CLVS1: variants seen among roughly 807,000 people sequenced by gnomAD.
The protein encoded by CLVS1 is clavesin-1.
Under a neutral mutation model 33.1 loss-of-function variants are expected in CLVS1, and 10 were observed. The ratio of observed to expected loss-of-function variants is 0.30; its 90% CI spans 0.19 to 0.51. The LOEUF (loss-of-function observed/expected upper bound fraction) is 0.51. CLVS1 is among the 20% of genes least tolerant of loss of function. CLVS1 has a pLI of 0.97. For missense variants in CLVS1, 343 were observed against 433.4 expected, an observed-to-expected ratio of 0.79 and a Z score of 1.85; for synonymous variants, 163 against 166.1, an observed-to-expected ratio of 0.98 and a Z score of 0.14.
At chr8:61,110,798 A>T (rs75603432) in intron 1 of CLVS1, among the ~76,000 whole-genome samples, 3,115 of 152,286 alleles carry the variant, frequency 0.02, 95 homozygotes, top group African/African-American at 0.066. Flanking sequence ...ATACAGTATT[A>T]GTCTTTTCGT....
At chr8:61,128,325 T>C (rs987768124) in intron 1 of CLVS1, among the ~76,000 whole-genome samples, 1 of 152,262 alleles carries the variant, frequency 6.6e-6, no homozygotes, top group African/African-American at 2.4e-5. Context: ...GTTTTACTTT[T>C]CATCATCATT....
rs564848224 is a variant in CLVS1, at chr8:61,075,287, T to C, written c.-243+18057T>C. 2.6e-5 allele frequency among the ~76,000 whole-genome samples: 4 copies of C among 152,296 alleles called. No individual in the cohort carries two copies. In the South Asian group the frequency reaches 8.3e-4, roughly 32 times the overall value. On this transcript the variant is annotated intron_variant, in intron 1 of 2. Coordinates refer to the CLVS1 transcript ENST00000522621. ...TCTCCCCAGAGGCCATTCATTTCTCTACAGCTGAAAGAGCAATGGGTTGAT... is the reference window on the plus strand; with the variant it reads ...TCTCCCCAGAGGCCATTCATTTCTCCACAGCTGAAAGAGCAATGGGTTGAT...
chr8:61,383,593 T>A (rs1392265520), intron 3 of CLVS1, among the ~76,000 whole-genome samples: 1 of 152,168 alleles, frequency 6.6e-6, no homozygotes, highest in Non-Finnish European at 1.5e-5. Context: ...TTTGCAAGAG[T>A]GCATTATGTT....
chr8:61,456,878 A>G (rs1817182674), intron 4 of CLVS1, among the ~76,000 whole-genome samples: 1 of 150,444 alleles, frequency 6.6e-6, no homozygotes, highest in East Asian at 2.0e-4. Flanking sequence ...AGATTGCACC[A>G]CTGCACTCCA....
chr8:61,026,141 A>C, the CLVS1 span, among the ~76,000 whole-genome samples: 7 of 152,034 alleles, frequency 4.6e-5, no homozygotes, highest in Non-Finnish European at 7.4e-5. Context: ...AGTTAGAATA[A>C]GGTTATTAGG....
At chr8:61,185,152 T>TC (rs1333481175) in intron 2 of CLVS1, among the ~76,000 whole-genome samples, 14 of 148,428 alleles carry the variant, frequency 9.4e-5, no homozygotes, top group African/African-American at 3.6e-4. Flanking sequence ...AGTTTTTGTT[T>TC]TTGTTTTTTG....
In CLVS1 at chr8:61,376,591, TGCTCTG is replaced by T; in HGVS notation, c.456-10_456-5del. On this transcript the variant is annotated splice_region_variant and splice_polypyrimidine_tract_variant and intron_variant, in intron 2 of 5. Coordinates refer to ENST00000325897, the MANE Select transcript of CLVS1 (RefSeq NM_173519.3). ...CATATTCACACACAGCTCTCCTTTC[TGCTCTG>T]GCTGCAGGAACTCCTTCACAGACAT... The T allele has an allele frequency of 6.2e-7, 1 of 1,611,400 alleles. No individual in the cohort carries two copies. Among genetic ancestry groups the T allele is most frequent in the Non-Finnish European group, 8.5e-7 (1 of 1,178,182 alleles).
At chr8:61,355,660 A>G (rs12679865) in intron 2 of CLVS1, among the ~76,000 whole-genome samples, 2 of 151,804 alleles carry the variant, frequency 1.3e-5, no homozygotes, top group African/African-American at 2.4e-5. Context: ...TGAGAATATG[A>G]GGTGTTTGCT....
intron 2 of CLVS1, among the ~76,000 whole-genome samples, chr8:61,232,041 T>TTTTTTTTTTTTTTTTTTTTTTTTTTG (rs1554548394): frequency 1.6e-4 from 19 of 116,002 alleles, no homozygotes; most frequent in East Asian, 5.5e-4. Context: ...TTTTTTTTTT[T>TTTTTTTTTTTTTTTTTTTTTTTTTTG]TTTTTTTTTG....
intron 1 of CLVS1, among the ~76,000 whole-genome samples, chr8:61,103,676 A>G (rs1464879474): frequency 6.6e-6 from 1 of 152,236 alleles, no homozygotes; most frequent in African/African-American, 2.4e-5. Context: ...TTAATGACGA[A>G]TCACTGTTTT....
At chr8:61,091,035 G>C in intron 1 of CLVS1, 1 of 434,320 alleles carries the variant, frequency 2.3e-6, no homozygotes, top group Non-Finnish European at 4.5e-6. Context: ...ACCTGTGCCC[G>C]TTACCTCACA....
chr8:61,132,456 G>A (rs16926901), intron 2 of CLVS1, among the ~76,000 whole-genome samples: 1 of 152,238 alleles, frequency 6.6e-6, no homozygotes, highest in African/African-American at 2.4e-5. Context: ...AGGTTCTACT[G>A]TGGCTGAATG....
intron 2 of CLVS1, among the ~76,000 whole-genome samples, chr8:61,334,966 A>T (rs1281117373): frequency 1.3e-5 from 2 of 152,162 alleles, no homozygotes; most frequent in African/African-American, 4.8e-5. Context: ...GGTTTTAAGG[A>T]TAATTTGGTA....
chr8:61,392,311 G>T (rs1164300697), intron 3 of CLVS1, among the ~76,000 whole-genome samples: 2 of 151,882 alleles, frequency 1.3e-5, no homozygotes, highest in African/African-American at 4.8e-5. Context: ...CAGCCTGGGC[G>T]AGAAAGTGAG....
At chr8:61,181,019 A>G (rs1807218414) in intron 2 of CLVS1, among the ~76,000 whole-genome samples, 2 of 152,214 alleles carry the variant, frequency 1.3e-5, no homozygotes, top group African/African-American at 4.8e-5. Context: ...AAATAAATGT[A>G]TTTGAATAGG....
intron 2 of CLVS1, among the ~76,000 whole-genome samples, chr8:61,248,069 A>C (rs1311338726): frequency 6.6e-6 from 1 of 152,088 alleles, no homozygotes; most frequent in East Asian, 1.9e-4. Context: ...TGTTTTTGTC[A>C]GCTTTGTCAA....
At chr8:61,183,291 G>T (rs3864669) in intron 2 of CLVS1, among the ~76,000 whole-genome samples, 115,887 of 152,012 alleles carry the variant, frequency 0.76, 45,268 homozygotes, top group Middle Eastern at 0.93. Context: ...ACCTGCATGT[G>T]CTGCACATGT....
chr8:61,082,982 C>T (rs1805050090), intron 1 of CLVS1, among the ~76,000 whole-genome samples: 1 of 30,764 alleles, frequency 3.3e-5, no homozygotes, highest in South Asian at 1.8e-3. Context: ...AAGACCCTGT[C>T]TTAAACATAA....
At chr8:60,978,210 A>C in the CLVS1 span, among the ~76,000 whole-genome samples, 1 of 152,252 alleles carries the variant, frequency 6.6e-6, no homozygotes, top group Admixed American at 6.5e-5. Context: ...AAGCCATAAG[A>C]AAAAGAAAGA....
Sources: allele counts gnomAD v4.1 joint callset (sites outside exome capture counted in the v4.1 genomes callset), GRCh38; gene constraint gnomAD v4.1.1; transcripts MANE v1.5; gene names NCBI Gene and HGNC (gene_info 2026-07-23, HGNC 2026-07-21).